Variants in DPP6 observed in about 807,000 individuals in gnomAD.
DPP6 encodes the protein A-type potassium channel modulatory protein DPP6.
A neutral mutation model predicts 122.6 loss-of-function variants in DPP6; 69 were observed. That is an observed-to-expected ratio of 0.56 (90% CI 0.46 to 0.69). DPP6 has a LOEUF of 0.69. DPP6 is among the 30% of genes least tolerant of loss of function. The pLI is 0.00. For synonymous variants in DPP6, 418 were observed against 433.1 expected (o/e 0.97, Z 0.43); for missense variants, 928 against 1,116.9 (o/e 0.83, Z 2.41).
chr7:154,315,438 T>C (rs1807349913), intron 1 of DPP6, among the ~76,000 whole-genome samples: 1 of 152,006 alleles, frequency 6.6e-6, no homozygotes, highest in Non-Finnish European at 1.5e-5. Flanking sequence ...GCCAGAAAAA[T>C]CCCTACAATT....
chr7:153,782,090 C>A, the DPP6 span, among the ~76,000 whole-genome samples: 2 of 151,256 alleles, frequency 1.3e-5, no homozygotes, highest in Non-Finnish European at 1.5e-5. Context: ...TTCTCTTCAA[C>A]GTCTGTGCAC....
intron 22 of DPP6, among the ~76,000 whole-genome samples, chr7:154,886,360 T>G (rs1364508013): frequency 6.6e-6 from 1 of 152,178 alleles, no homozygotes; most frequent in Non-Finnish European, 1.5e-5. Flanking sequence ...CAGGGTGACC[T>G]GCTGTGGGGA....
chr7:154,104,888 A>C (rs1346077208), intron 1 of DPP6, among the ~76,000 whole-genome samples: 4 of 151,870 alleles, frequency 2.6e-5, no homozygotes, highest in Non-Finnish European at 5.9e-5. Context: ...CATAACAAAC[A>C]CTCAGTGTAA....
intron 3 of DPP6, among the ~76,000 whole-genome samples, chr7:154,508,644 A>G (rs971040218): frequency 3.3e-5 from 5 of 152,204 alleles, no homozygotes; most frequent in African/African-American, 1.2e-4. Flanking sequence ...AGTGCATGTC[A>G]CTTCTGCCTC....
intron 1 of DPP6, among the ~76,000 whole-genome samples, chr7:153,911,480 C>A (rs1350394481): frequency 1.3e-5 from 2 of 152,170 alleles, no homozygotes; most frequent in Admixed American, 1.3e-4. Context: ...CTAGTAGATG[C>A]TCTCCCAAAT....
intron 1 of DPP6, among the ~76,000 whole-genome samples, chr7:154,366,010 A>T (rs187513675): frequency 6.0e-5 from 9 of 150,526 alleles, no homozygotes; most frequent in African/African-American, 2.2e-4. Flanking sequence ...CCTTGTCTCT[A>T]TCTTCCGGGG....
chr7:154,574,856 GGTGT>G (rs1325046861), intron 5 of DPP6, among the ~76,000 whole-genome samples: 2 of 140,240 alleles, frequency 1.4e-5, no homozygotes, highest in Non-Finnish European at 3.1e-5. Flanking sequence ...TGATGTGTGT[GGTGT>G]GTGTGTTTGT....
chr7:154,336,208 A>G (rs1809403999), intron 1 of DPP6, among the ~76,000 whole-genome samples: 1 of 152,138 alleles, frequency 6.6e-6, no homozygotes. Context: ...CATGGTCATA[A>G]TACAGACTTA....
the DPP6 span, among the ~76,000 whole-genome samples, chr7:153,765,326 G>C: frequency 8.2e-4 from 124 of 152,028 alleles, no homozygotes; most frequent in African/African-American, 2.7e-3. Context: ...TGGATCACCT[G>C]AGGTCAAGAG....
chr7:154,713,238 A>G (rs536481651), intron 7 of DPP6, among the ~76,000 whole-genome samples: 1 of 152,336 alleles, frequency 6.6e-6, no homozygotes, highest in South Asian at 2.1e-4. Context: ...CCTACCTCCC[A>G]GCTGCTTTCA....
chr7:153,916,381 C>G (rs1324725024), intron 1 of DPP6, among the ~76,000 whole-genome samples: 1 of 134,840 alleles, frequency 7.4e-6, no homozygotes, highest in Non-Finnish European at 1.6e-5. Flanking sequence ...CTCCTCCCCT[C>G]TCCTCCCCTC....
chr7:153,890,707 T>C (rs963902115), intron 1 of DPP6, among the ~76,000 whole-genome samples: 4 of 125,840 alleles, frequency 3.2e-5, no homozygotes, highest in Non-Finnish European at 6.7e-5. Flanking sequence ...TTTTTTTTTT[T>C]TTGGAGACAG....
chr7:154,028,646 C>T (rs573645753), intron 1 of DPP6, among the ~76,000 whole-genome samples: 9 of 152,124 alleles, frequency 5.9e-5, no homozygotes, highest in Non-Finnish European at 8.8e-5. Flanking sequence ...CACAAAGCTG[C>T]GTTCCTCCTT....
At chr7:154,658,756 G>A (rs543838255) in intron 6 of DPP6, among the ~76,000 whole-genome samples, 39 of 152,308 alleles carry the variant, frequency 2.6e-4, no homozygotes, top group African/African-American at 9.1e-4. Flanking sequence ...TGTAAGGAGA[G>A]CAGGAAAGAT....
At chr7:154,034,602 CATTT>C (rs1799424916) in intron 1 of DPP6, among the ~76,000 whole-genome samples, 1 of 152,134 alleles carries the variant, frequency 6.6e-6, no homozygotes, top group Non-Finnish European at 1.5e-5. Context: ...CTTAAGATAA[CATTT>C]GTTTTGGAGC....
intron 3 of DPP6, among the ~76,000 whole-genome samples, chr7:154,538,193 G>T (rs964301470): frequency 2.0e-5 from 3 of 152,088 alleles, no homozygotes; most frequent in Admixed American, 2.0e-4. Context: ...AAACAAGCAG[G>T]TTTTATGTAC....
intron 1 of DPP6, among the ~76,000 whole-genome samples, chr7:153,956,435 A>G (rs759195047): frequency 2.0e-4 from 31 of 152,198 alleles, no homozygotes; most frequent in African/African-American, 7.5e-4. Context: ...GAGCATCATG[A>G]TAGCATCTCG....
chr7:153,966,261 A>G (rs1016010883), intron 1 of DPP6, among the ~76,000 whole-genome samples: 5 of 151,044 alleles, frequency 3.3e-5, no homozygotes, highest in Admixed American at 3.3e-4. Context: ...GAAGTCAGCA[A>G]TTGCTTTGTG....
Position 154,887,699 on chromosome 7 carries a change from T to C in DPP6, c.2269T>C (p.Leu757=), listed in dbSNP as rs1806276996. Residue 757 remains leucine, a synonymous_variant, in exon 23 of 26, where the codon TTG becomes CTG. Coordinates refer to ENST00000377770, the MANE Select transcript of DPP6 (RefSeq NM_130797.4). Reference sequence around the variant, plus strand: ...AGCCTCTGCGTTTTCCGAGAGGTACTTGGGCCTCCATGGACTTGACAACAG... The same window carrying C: ...AGCCTCTGCGTTTTCCGAGAGGTACCTGGGCCTCCATGGACTTGACAACAG... ...LYASAFSERY[L]GLHGLDNRAY... is the part of the protein sequence containing the mutation. 1 of 1,613,932 alleles carries C rather than the reference T, an allele frequency of 6.2e-7. No individual in the cohort carries two copies. The highest frequency in any genetic ancestry group is 8.5e-7 in the Non-Finnish European group (1 of 1,179,824).
Sources: gnomAD v4.1 joint callset for allele counts (sites outside exome capture counted in the v4.1 genomes callset) on GRCh38, gnomAD v4.1.1 for gene constraint, MANE v1.5 for transcripts, NCBI Gene and HGNC (gene_info 2026-07-23, HGNC 2026-07-21) for gene names.